The following MTUS2 variants were observed in gnomAD, a reference collection of about 807,000 sequenced individuals.
MTUS2 encodes microtubule-associated tumor suppressor candidate 2.
A neutral mutation model predicts 114.1 loss-of-function variants in MTUS2; 40 were observed. The ratio of observed to expected loss-of-function variants is 0.35; its 90% CI spans 0.27 to 0.46. The LOEUF (loss-of-function observed/expected upper bound fraction) is 0.46. Ranked by LOEUF, MTUS2 falls within the 20% of genes least tolerant of loss-of-function variation. The probability of loss-of-function intolerance (pLI) is 1.00; values close to 1 mark genes in which losing one functional copy is unlikely to be tolerated. For missense variants in MTUS2, 1,679 were observed against 1,705.4 expected, an observed-to-expected ratio of 0.98 and a Z score of 0.27; for synonymous variants, 688 against 672.0, an observed-to-expected ratio of 1.02 and a Z score of -0.37.
intron 2 of MTUS2, among the ~76,000 whole-genome samples, chr13:28,931,304 T>C (rs917647550): frequency 2.0e-5 from 3 of 152,234 alleles, no homozygotes; most frequent in Admixed American, 6.5e-5. Context: ...ACAGATGATA[T>C]GGTTAGGCTT....
rs550938848 is a variant in MTUS2, at chr13:29,306,899, A to C, written c.2807-17714A>C. On this transcript the variant is annotated intron_variant, in intron 6 of 15. Transcript: ENST00000612955. ...ATCAGTGACCCCTTCATTGACCTCA[A>C]CTACATGGTCTACATGTTCCAGTAT... The C allele has an allele frequency of 7.3e-5, 38 of 519,426 alleles. 1 individual carries two copies. Among genetic ancestry groups the C allele is most frequent in the African/African-American group, 6.7e-4 (35 of 52,114 alleles). The allele number at this position is 519,426 out of a possible 1,614,324, so 32.2% of individuals were successfully genotyped here. A position where few individuals can be genotyped will look rare whatever the true frequency, so the allele number is the denominator to read the frequency against.
Position 29,069,409 on chromosome 13 carries a change from G to A in MTUS2, c.2447-31364G>A, listed in dbSNP as rs149450535. On this transcript the variant is annotated intron_variant, in intron 4 of 15. Coordinates refer to ENST00000612955, the MANE Select transcript of MTUS2 (RefSeq NM_001033602.4). ...TGGGCAGAGTGTGAATGTAACCTTCGTCTACCTTTTTGCTCTTTTCAGATT... is the reference window on the plus strand; with the variant it reads ...TGGGCAGAGTGTGAATGTAACCTTCATCTACCTTTTTGCTCTTTTCAGATT... 2.8e-3 allele frequency among the ~76,000 whole-genome samples: 423 copies of A among 152,266 alleles called. 2 individuals carry two copies. Among genetic ancestry groups the A allele is most frequent in the African/African-American group, 9.8e-3 (408 of 41,548 alleles).
chr13:29,048,202 C>T (rs2138589396), intron 4 of MTUS2, among the ~76,000 whole-genome samples: 1 of 152,180 alleles, frequency 6.6e-6, no homozygotes, highest in South Asian at 2.1e-4. Context: ...ACATTTTTTT[C>T]TCTACAGTTC....
intron 3 of MTUS2, 21 bp from the exon 4 acceptor site, chr13:29,033,864 G>T: frequency 6.2e-7 from 1 of 1,613,346 alleles, no homozygotes; most frequent in Non-Finnish European, 8.5e-7. Flanking sequence ...CTCTGATTGA[G>T]TTTTTGTTCA....
intron 9 of MTUS2, among the ~76,000 whole-genome samples, chr13:29,469,554 G>A (rs930917665): frequency 2.0e-5 from 3 of 151,766 alleles, no homozygotes; most frequent in Non-Finnish European, 2.9e-5. Flanking sequence ...GTGAACCTGG[G>A]AGGCAGAAGT....
At chr13:29,045,153 G>A (rs1216723487) in intron 4 of MTUS2, among the ~76,000 whole-genome samples, 2 of 152,178 alleles carry the variant, frequency 1.3e-5, no homozygotes, top group Admixed American at 6.5e-5. Context: ...ATATAAGATA[G>A]TCATGAGAAT....
At chr13:28,921,615 C>T (rs545882766) in intron 2 of MTUS2, among the ~76,000 whole-genome samples, 1 of 152,216 alleles carries the variant, frequency 6.6e-6, no homozygotes, top group African/African-American at 2.4e-5. Context: ...AATTGCAGTC[C>T]TTGTGTCCTA....
At chr13:29,152,087 G>C (rs1381879217) in intron 5 of MTUS2, among the ~76,000 whole-genome samples, 1 of 151,824 alleles carries the variant, frequency 6.6e-6, no homozygotes, top group African/African-American at 2.4e-5. Flanking sequence ...ATTTTTTTTG[G>C]GGGGGAATAG....
chr13:29,325,766 A>G (rs995109358), intron 7 of MTUS2, among the ~76,000 whole-genome samples: 1 of 152,188 alleles, frequency 6.6e-6, no homozygotes, highest in African/African-American at 2.4e-5. Flanking sequence ...AATTGATTTA[A>G]TGTCCACAAA....
intron 8 of MTUS2, among the ~76,000 whole-genome samples, chr13:29,411,300 G>T (rs373517005): frequency 1.3e-5 from 2 of 152,156 alleles, no homozygotes; most frequent in African/African-American, 4.8e-5. Context: ...TATTCAAATG[G>T]CTACCCAGCA....
chr13:28,867,859 T>C (rs951958664), intron 2 of MTUS2, among the ~76,000 whole-genome samples: 3 of 152,202 alleles, frequency 2.0e-5, no homozygotes, highest in Non-Finnish European at 4.4e-5. Context: ...GGGCAGTGAT[T>C]GCATTGCTGA....
chr13:29,246,465 C>A (rs1593217695), intron 5 of MTUS2, among the ~76,000 whole-genome samples: 1 of 152,214 alleles, frequency 6.6e-6, no homozygotes. Flanking sequence ...TGAGCCAGGG[C>A]AGCCTTTGTG....
chr13:28,830,413 G>A (rs1245957485), intron 1 of MTUS2, among the ~76,000 whole-genome samples: 2 of 152,084 alleles, frequency 1.3e-5, no homozygotes, highest in Non-Finnish European at 2.9e-5. Flanking sequence ...GTAGAAAAAT[G>A]ATGTCTCTTC....
chr13:29,077,023 T>C (rs1889222653), intron 4 of MTUS2, among the ~76,000 whole-genome samples: 2 of 152,232 alleles, frequency 1.3e-5, no homozygotes, highest in Non-Finnish European at 2.9e-5. Context: ...TTTATCCTCA[T>C]TTTTCATGTG....
intron 5 of MTUS2, among the ~76,000 whole-genome samples, chr13:29,207,313 G>C (rs1895231149): frequency 6.6e-6 from 1 of 152,120 alleles, no homozygotes. Flanking sequence ...ATCAGTTCTA[G>C]GAGCTTTTAG....
At chr13:29,436,419 T>C (rs1376470321) in intron 8 of MTUS2, among the ~76,000 whole-genome samples, 4 of 152,080 alleles carry the variant, frequency 2.6e-5, no homozygotes, top group Non-Finnish European at 5.9e-5. Flanking sequence ...GAGGAGTAAA[T>C]GACATAAAGG....
At chr13:29,478,388 G>A (rs1880867625) in intron 9 of MTUS2, among the ~76,000 whole-genome samples, 1 of 152,152 alleles carries the variant, frequency 6.6e-6, no homozygotes, top group African/African-American at 2.4e-5. Flanking sequence ...TGTTCAGCAG[G>A]TCAGCATCTT....
chr13:29,491,500 A>T (rs958129283), intron 11 of MTUS2, among the ~76,000 whole-genome samples: 1 of 98,706 alleles, frequency 1.0e-5, no homozygotes, highest in Non-Finnish European at 1.9e-5. Flanking sequence ...TAGTGTGTGT[A>T]TGTGGGGGTG....
intron 2 of MTUS2, among the ~76,000 whole-genome samples, chr13:28,898,460 C>T (rs1879425317): frequency 6.6e-6 from 1 of 152,188 alleles, no homozygotes; most frequent in South Asian, 2.1e-4. Context: ...AGTGGTTTGT[C>T]TTTCCATCCT....
Sources: allele counts gnomAD v4.1 joint callset (sites outside exome capture counted in the v4.1 genomes callset), GRCh38; gene constraint gnomAD v4.1.1; transcripts MANE v1.5; gene names NCBI Gene and HGNC (gene_info 2026-07-23, HGNC 2026-07-21).